The following CLCN2 variants were observed in gnomAD, a reference collection of about 807,000 sequenced individuals.
The protein encoded by CLCN2 is chloride voltage-gated channel 2, also known as chloride channel protein 2.
Under a neutral mutation model 108.3 loss-of-function variants are expected in CLCN2, and 72 were observed. That is an observed-to-expected ratio of 0.66 (90% CI 0.55 to 0.81). CLCN2 has a LOEUF of 0.81. Among genes scored for constraint, CLCN2 ranks in the 30% least tolerant of loss-of-function variants. The probability of loss-of-function intolerance (pLI) is 0.00; values close to 1 mark genes in which losing one functional copy is unlikely to be tolerated. For synonymous variants in CLCN2, 471 were observed against 467.1 expected (o/e 1.01, Z -0.11); for missense variants, 1,048 against 1,205.2 (o/e 0.87, Z 1.93).
Position 184,353,391 on chromosome 3 carries a change from A to C in CLCN2, c.1887T>G (p.Arg629=). Residue 629 remains arginine, a synonymous_variant, in exon 17 of 24, where the codon CGT becomes CGG. Transcript: ENST00000265593. ...ESMILLGSIE[R]SQVVALLGAQ... ...CCCCCAACAATGCCACCACCTGTGA[A>C]CGCTCGATGGAGCCCAGCAGAATCA... 10 of 1,612,416 alleles carry C rather than the reference A, an allele frequency of 6.2e-6. No homozygotes were observed. Among genetic ancestry groups the C allele is most frequent in the Non-Finnish European group, 8.5e-6 (10 of 1,179,582 alleles).
chr3:184,355,058 G>A lies in CLCN2; in HGVS notation c.1327-85C>T, dbSNP rs560809472. 1.1e-5 allele frequency: 14 copies of A among 1,319,872 alleles called. No individual in the cohort carries two copies. The highest frequency in any genetic ancestry group is 2.9e-5 in the African/African-American group (2 of 69,076). 81.8% of individuals were successfully genotyped at this position (1,319,872 alleles called of 1,614,324 possible). ...GCGCCACCCAGGAGAAGTCTACCTCGCTGATCAGGTGGGCGTAACCCTCCC... is the reference window on the plus strand; with the variant it reads ...GCGCCACCCAGGAGAAGTCTACCTCACTGATCAGGTGGGCGTAACCCTCCC... On this transcript the variant is annotated intron_variant, in intron 12 of 23. Coordinates refer to ENST00000265593, the MANE Select transcript of CLCN2 (RefSeq NM_004366.6). The surrounding 1 kb of genome is among the most constrained non-coding windows in gnomAD (Gnocchi z 6.3).
chr3:184,353,489 A>C, intron 16 of CLCN2, 67 bp from the exon 17 acceptor site: 2 of 1,552,286 alleles, frequency 1.3e-6, no homozygotes, highest in South Asian at 1.2e-5. Context: ...CTTCTCTCAC[A>C]CTCAGAGTGG....
chr3:184,350,978 A>C (rs1181387904), intron 22 of CLCN2, among the ~76,000 whole-genome samples: 1 of 152,190 alleles, frequency 6.6e-6, no homozygotes, highest in Non-Finnish European at 1.5e-5. Flanking sequence ...TTTGGGAAGA[A>C]GGGCTTTAGA....
At chr3:184,351,415 C>T (rs1231882214) in intron 22 of CLCN2, among the ~76,000 whole-genome samples, 1 of 152,202 alleles carries the variant, frequency 6.6e-6, no homozygotes, top group Non-Finnish European at 1.5e-5. Context: ...CTGCTCAGTT[C>T]CTCGCCGCAT....
rs145544948 is a variant in CLCN2, at chr3:184,352,028, C to A, written c.2400G>T (p.Arg800=). The A allele has an allele frequency of 4.9e-5, 79 of 1,613,650 alleles. No individual in the cohort carries two copies. The African/African-American group carries it at 8.5e-4, about 17-fold the overall frequency. The change falls in exon 22 of 24, where the codon CGG becomes CGT. Residue 800 remains arginine (R), a synonymous_variant. Transcript: ENST00000265593. ...CTGGCCCTACCTTGTGCAAAGAGGT[C>A]CGCTCCACCAGCTGGAAGGGAGCAG... ...IDPAPFQLVE[R]TSLHKTHTIF...
At position 184,357,282 on chromosome 3, in the gene CLCN2, G is replaced by GC; in HGVS notation, c.899-17dup. The GC allele has an allele frequency of 1.2e-6, 2 of 1,613,984 alleles. No homozygotes were observed. The highest frequency in any genetic ancestry group is 2.2e-5 in the South Asian group (2 of 91,090). Reference sequence around the variant, plus strand: ...GTAATAGTCTCTAAAGGGAAGAACAGCAGAGGGAGGCAGGCCTAGCCTCGT... The same window carrying GC: ...GTAATAGTCTCTAAAGGGAAGAACAGCCAGAGGGAGGCAGGCCTAGCCTCGT... On this transcript the variant is annotated splice_polypyrimidine_tract_variant and intron_variant, in intron 8 of 23. Transcript: ENST00000265593.
In CLCN2 at chr3:184,361,569, C is replaced by G; in HGVS notation, c.-90G>C. ...CCGCAAAGTCCGCGCCGGCAGCCGTCCCGTCCCCGCAGCCCGGGAGGCCGA... is the reference window on the plus strand; with the variant it reads ...CCGCAAAGTCCGCGCCGGCAGCCGTGCCGTCCCCGCAGCCCGGGAGGCCGA... On this transcript the variant is annotated 5_prime_UTR_variant, in exon 1 of 24. Coordinates refer to ENST00000265593, the MANE Select transcript of CLCN2 (RefSeq NM_004366.6). The surrounding 1 kb of genome is among the most constrained non-coding windows in gnomAD (Gnocchi z 6.6). 6.9e-7 allele frequency: 1 copy of G among 1,449,820 alleles called. No individual in the cohort carries two copies. The highest frequency in any genetic ancestry group is 9.5e-7 in the Non-Finnish European group (1 of 1,055,098). 89.8% of individuals were successfully genotyped at this position (1,449,820 alleles called of 1,614,324 possible). A position where few individuals can be genotyped will look rare whatever the true frequency, so the allele number is the denominator to read the frequency against.
At chr3:184,359,267 G>A (rs1446653634) in intron 1 of CLCN2, 136 bp from the exon 2 acceptor site, 5 of 1,104,004 alleles carry the variant, frequency 4.5e-6, no homozygotes, top group Non-Finnish European at 6.7e-6. Flanking sequence ...TTCCCACTCT[G>A]GCCCGAGGTG....
rs1041509741 is a variant in CLCN2, at chr3:184,353,096, G to A, written c.2080C>T (p.Pro694Ser). 3.1e-6 allele frequency: 5 copies of A among 1,614,026 alleles called. No homozygotes were observed. Among genetic ancestry groups the A allele is most frequent in the Non-Finnish European group, 4.2e-6 (5 of 1,180,032 alleles). ...CCCCTCTTGAGTGCAGGCTTTAGGG[G>A]CTTGTGGGTCTCCCCCCGGGCTGCT... ...FPAARGETHK[P>S]LKPALKRGPS... Residue 694 changes from proline (P) to serine (S), a missense_variant, in exon 18 of 24, where the codon CCC becomes TCC. Coordinates refer to ENST00000265593, the MANE Select transcript of CLCN2 (RefSeq NM_004366.6).
chr3:184,360,546 T>C (rs1171419800), intron 1 of CLCN2, among the ~76,000 whole-genome samples: 1 of 152,130 alleles, frequency 6.6e-6, no homozygotes, highest in Non-Finnish European at 1.5e-5. Context: ...CCCAGACTTA[T>C]AGCCTCTCCT....
In CLCN2 at chr3:184,355,556, G is replaced by A. The variant is rs201671882; in HGVS notation, c.1171-27C>T. On this transcript the variant is annotated intron_variant, in intron 11 of 23. Transcript: ENST00000265593. This position sits in a 1 kb window ranked among gnomAD's most constrained non-coding sequence, Gnocchi z 6.3. ...TAGAGTGAACAGGGTGCCTCAGGCT[G>A]GGAAACCGACAGGATGAAGGGAAGA... 82 of 1,613,820 alleles carry A rather than the reference G, an allele frequency of 5.1e-5. No individual in the cohort carries two copies. The highest frequency in any genetic ancestry group is 4.2e-5 in the Non-Finnish European group (50 of 1,179,942).
Position 184,346,697 on chromosome 3 carries a change from G to T in CLCN2, c.2606C>A (p.Thr869Asn), listed in dbSNP as rs1191322819. ...DSATSSSDTE[T>N]TEVHALWGPH... ...CCCCCAGAGTGCATGCACCTCAGTGGTCTCCGTGTCACTGCTGCTGGTGGC... is the reference window on the plus strand; with the variant it reads ...CCCCCAGAGTGCATGCACCTCAGTGTTCTCCGTGTCACTGCTGCTGGTGGC... Residue 869 changes from threonine to asparagine, a missense_variant, in exon 24 of 24, where the codon ACC (threonine) becomes AAC (asparagine). Coordinates refer to ENST00000265593, the MANE Select transcript of CLCN2 (RefSeq NM_004366.6). This position sits in a 1 kb window ranked among gnomAD's most constrained non-coding sequence, Gnocchi z 6.0. 1 of 1,614,186 alleles carries T rather than the reference G, an allele frequency of 6.2e-7. No homozygotes were observed. The highest frequency in any genetic ancestry group is 1.7e-5 in the Admixed American group (1 of 60,026).
chr3:184,357,291 G>A (rs756457352), intron 8 of CLCN2, 25 bp from the exon 9 acceptor site: 4 of 1,613,906 alleles, frequency 2.5e-6, no homozygotes, highest in East Asian at 4.5e-5. Flanking sequence ...AGCAGAGGGA[G>A]GCAGGCCTAG....
At chr3:184,351,411 A>G (rs1215482339) in intron 22 of CLCN2, among the ~76,000 whole-genome samples, 1 of 152,162 alleles carries the variant, frequency 6.6e-6, no homozygotes, top group Non-Finnish European at 1.5e-5. Context: ...CAGTCTGCTC[A>G]GTTCCTCGCC....
At chr3:184,354,878 G>A (rs781374904) in intron 13 of CLCN2, 26 bp downstream of exon 13, 53 of 1,607,792 alleles carry the variant, frequency 3.3e-5, no homozygotes, top group Non-Finnish European at 4.3e-5. Flanking sequence ...GGTGCAGGCT[G>A]GGTGAGCAGG....
intron 3 of CLCN2, 23 bp from the exon 4 acceptor site, chr3:184,358,333 AC>A: frequency 2.5e-6 from 4 of 1,612,364 alleles, no homozygotes; most frequent in Non-Finnish European, 2.5e-6. Flanking sequence ...GACCTGCTGG[AC>A]CCCCAGTGCA....
In CLCN2 at chr3:184,359,100, G is replaced by T. The variant is rs753448120; in HGVS notation, c.95C>A (p.Ala32Asp). 14 of 1,613,618 alleles carry T rather than the reference G, an allele frequency of 8.7e-6. No individual in the cohort carries two copies. The East Asian group carries it at 8.9e-5, about 10-fold the overall frequency. Residue 32 changes from alanine (A) to aspartate (D), a missense_variant, in exon 2 of 24, where the codon GCC becomes GAC. Ala to Asp is a moderately radical substitution (Grantham distance 126). Transcript: ENST00000265593. ...CCGAGCAGCTTCCTCTTTGGCAAAG[G>T]CCCCAAGGTCCTGAGTGTACCGGCC... ...MYGRYTQDLG[A>D]FAKEEAARIR...
rs1233059732 is a variant in CLCN2, at chr3:184,352,721, G to A, written c.2217+16C>T. ...GGGGAAAAAGCAAGCTAGGAGGACA[G>A]GCTCCAGCCACTCACCTCCGAAGCA... On this transcript the variant is annotated intron_variant, in intron 19 of 23. Coordinates refer to ENST00000265593, the MANE Select transcript of CLCN2 (RefSeq NM_004366.6). The A allele has an allele frequency of 1.9e-6, 3 of 1,612,424 alleles. No homozygotes were observed. The highest frequency in any genetic ancestry group is 3.3e-5 in the Admixed American group (2 of 59,974).
chr3:184,352,391 C>T (rs1214769560), intron 20 of CLCN2, 52 bp downstream of exon 20: 4 of 1,612,844 alleles, frequency 2.5e-6, no homozygotes, highest in Middle Eastern at 3.3e-4. Context: ...AGCCTAGACC[C>T]TGCCCTCCCT....
Sources: allele counts gnomAD v4.1 joint callset (sites outside exome capture counted in the v4.1 genomes callset), GRCh38; gene constraint gnomAD v4.1.1; non-coding constraint Gnocchi (gnomAD v3.1); transcripts MANE v1.5; gene names NCBI Gene and HGNC (gene_info 2026-07-23, HGNC 2026-07-21).